Variants in ARID1B observed in about 807,000 individuals in gnomAD.
The protein encoded by ARID1B is AT-rich interaction domain 1B, also known as AT-rich interactive domain-containing protein 1B.
Under a neutral mutation model 212.3 loss-of-function variants are expected in ARID1B, and 30 were observed. The ratio of observed to expected loss-of-function variants is 0.14; its 90% CI spans 0.11 to 0.19. The LOEUF (loss-of-function observed/expected upper bound fraction) is 0.19. Among genes scored for constraint, ARID1B ranks in the 10% least tolerant of loss-of-function variants. The probability of loss-of-function intolerance (pLI) is 1.00; values close to 1 mark genes in which losing one functional copy is unlikely to be tolerated. For synonymous variants in ARID1B, 1,402 were observed against 1,301.7 expected, an observed-to-expected ratio of 1.08 and a Z score of -1.66; for missense variants, 2,891 against 3,204.0, an observed-to-expected ratio of 0.90 and a Z score of 2.36.
chr6:157,146,833 A>G (rs1051963843), intron 7 of ARID1B, among the ~76,000 whole-genome samples: 1 of 152,214 alleles, frequency 6.6e-6, no homozygotes, highest in African/African-American at 2.4e-5. Context: ...ACTAATCCAT[A>G]TTCCACACAC....
chr6:156,870,287 G>C (rs963366390), intron 2 of ARID1B: 2 of 152,298 alleles, frequency 1.3e-5, no homozygotes, highest in African/African-American at 2.4e-5. Flanking sequence ...CCTCCCCCCG[G>C]TCGTCAGATT....
chr6:156,958,164 C>T (rs370808793), intron 4 of ARID1B, among the ~76,000 whole-genome samples: 1 of 152,174 alleles, frequency 6.6e-6, no homozygotes, highest in East Asian at 1.9e-4. Flanking sequence ...CCAATCCATG[C>T]CTTCTGGCTC....
chr6:157,158,271 G>A (rs1293148116), intron 8 of ARID1B, among the ~76,000 whole-genome samples: 1 of 152,208 alleles, frequency 6.6e-6, no homozygotes, highest in Non-Finnish European at 1.5e-5. Context: ...ACCAAACTAA[G>A]TCACTTTGTG....
Position 157,184,439 on chromosome 6 carries a change from A to G in ARID1B, c.3919+4A>G, listed in dbSNP as rs755649606. On this transcript the variant is annotated splice_donor_region_variant and intron_variant, in intron 13 of 19. Coordinates refer to ENST00000636930, the MANE Select transcript of ARID1B (RefSeq NM_001374828.1). ...AAGCTCCAGCCGCCATCTCCTGGTA[A>G]GTGGCGGCGCTGCAGTCACTGGCCC... 2 of 1,613,898 alleles carry G rather than the reference A, an allele frequency of 1.2e-6. No homozygotes were observed. Among genetic ancestry groups the G allele is most frequent in the Admixed American group, 3.3e-5 (2 of 60,024 alleles).
At chr6:157,133,535 T>C (rs1331189995) in intron 7 of ARID1B, among the ~76,000 whole-genome samples, 1 of 152,180 alleles carries the variant, frequency 6.6e-6, no homozygotes, top group Non-Finnish European at 1.5e-5. Context: ...CGTTCTCAGG[T>C]TTCTGATGTC....
At chr6:156,854,988 T>C (rs1326403046) in intron 2 of ARID1B, among the ~76,000 whole-genome samples, 1 of 152,254 alleles carries the variant, frequency 6.6e-6, no homozygotes, top group Non-Finnish European at 1.5e-5. Flanking sequence ...GGCTGTTTGA[T>C]AAGGCTTTTG....
intron 2 of ARID1B, among the ~76,000 whole-genome samples, chr6:156,836,244 A>T (rs1413068611): frequency 6.6e-6 from 1 of 152,136 alleles, no homozygotes; most frequent in Non-Finnish European, 1.5e-5. Flanking sequence ...TGAATGTTAG[A>T]GTCTCCCGGG....
chr6:157,058,099 C>T (rs766466463), intron 4 of ARID1B, among the ~76,000 whole-genome samples: 10 of 152,142 alleles, frequency 6.6e-5, no homozygotes, highest in Admixed American at 1.3e-4. Context: ...CCATGCACAC[C>T]GAAGTCATTG....
intron 6 of ARID1B, chr6:157,119,754 A>T (rs563249155): frequency 2.0e-5 from 3 of 152,356 alleles, no homozygotes; most frequent in African/African-American, 4.8e-5. Context: ...AACAGCTGGG[A>T]TTACAGTTGA....
At chr6:156,863,997 C>T (rs1307654682) in intron 2 of ARID1B, among the ~76,000 whole-genome samples, 1 of 152,128 alleles carries the variant, frequency 6.6e-6, no homozygotes, top group Non-Finnish European at 1.5e-5. Context: ...CAAAATTGTT[C>T]TTTGAAATAA....
intron 5 of ARID1B, among the ~76,000 whole-genome samples, chr6:157,088,847 A>G (rs1429614064): frequency 6.6e-6 from 1 of 152,226 alleles, no homozygotes; most frequent in South Asian, 2.1e-4. Flanking sequence ...CCAGTGAACC[A>G]TACATGCCAT....
At position 157,207,555 on chromosome 6, in the gene ARID1B, T is replaced by A. The variant is rs1323668536; in HGVS notation, c.6783T>A (p.Leu2261=). The A allele has an allele frequency of 6.2e-7, 1 of 1,614,170 alleles. No homozygotes were observed. The highest frequency in any genetic ancestry group is 8.5e-7 in the Non-Finnish European group (1 of 1,180,036). ...REMSMALLSN[L]AQGDALAARA... ...TGTCCATGGCGCTTTTATCGAACCT[T>A]GCCCAAGGGGACGCACTAGCAGCAA... The change falls in exon 20 of 20, where the codon CTT becomes CTA. Residue 2261 remains leucine (L), a synonymous_variant. Transcript: ENST00000636930. This position sits in a 1 kb window ranked among gnomAD's most constrained non-coding sequence, Gnocchi z 8.5.
intron 16 of ARID1B, among the ~76,000 whole-genome samples, chr6:157,197,768 T>G (rs1443734313): frequency 1.3e-5 from 2 of 152,204 alleles, no homozygotes; most frequent in African/African-American, 4.8e-5. Context: ...CTGGGCTCTA[T>G]CTACCACATT....
chr6:157,186,412 G>C (rs1371790826), intron 13 of ARID1B: 3 of 471,054 alleles, frequency 6.4e-6, no homozygotes, highest in South Asian at 4.6e-5. Flanking sequence ...AAAGCCTCCT[G>C]GTCTCGTCCA....
At chr6:156,926,357 T>A (rs1791216481) in intron 3 of ARID1B, among the ~76,000 whole-genome samples, 3 of 152,166 alleles carry the variant, frequency 2.0e-5, no homozygotes, top group Admixed American at 2.0e-4. Flanking sequence ...GCAAACATGT[T>A]AAAAATAGGT....
At chr6:156,915,395 T>C (rs900240971) in intron 3 of ARID1B, among the ~76,000 whole-genome samples, 4 of 151,948 alleles carry the variant, frequency 2.6e-5, no homozygotes, top group Non-Finnish European at 5.9e-5. Flanking sequence ...GGTGAAACCC[T>C]GTCTCTACTA....
intron 11 of ARID1B, among the ~76,000 whole-genome samples, chr6:157,176,901 A>G (rs1398242402): frequency 1.3e-5 from 2 of 152,218 alleles, no homozygotes; most frequent in East Asian, 3.8e-4. Context: ...ACAATAGACC[A>G]TATTATATTG....
rs1339031812 is a variant in ARID1B at position 156,999,049 on chromosome 6, T to G, written c.2247+63473T>G. On this transcript the variant is annotated intron_variant, in intron 4 of 19. Transcript: ENST00000636930. Reference sequence around the variant, plus strand: ...CTTCAGTGGTGACTTTAGCTTCATGTGACATGTCCTCAAACCTTCTGGGCC... The same window carrying G: ...CTTCAGTGGTGACTTTAGCTTCATGGGACATGTCCTCAAACCTTCTGGGCC... Among the ~76,000 whole-genome samples, 5 of 152,340 alleles carry G rather than the reference T, an allele frequency of 3.3e-5. No individual in the cohort carries two copies. In the East Asian group the frequency reaches 9.7e-4, roughly 29 times the overall value.
Position 156,779,262 on chromosome 6 carries a change from GCGCCGCCGC to G in ARID1B, c.1591_1599del (p.Pro531_Pro533del), listed in dbSNP as rs572236007. The stretch of plus-strand genomic sequence containing the variant: ...CTACCCCGAGTACAGCAGCCCCAGC[GCGCCGCCGC>G]CGCCGCCGTCGCAGCCCCAGTCCCA... On this transcript the variant is annotated inframe_deletion, in exon 1 of 20. Coordinates refer to ENST00000636930, the MANE Select transcript of ARID1B (RefSeq NM_001374828.1). The G allele has an allele frequency of 7.9e-6, 9 of 1,146,088 alleles. No homozygotes were observed. Among genetic ancestry groups the G allele is most frequent in the Admixed American group, 3.7e-5 (1 of 27,228 alleles). 71.0% of individuals were successfully genotyped at this position (1,146,088 alleles called of 1,614,324 possible).
Sources: allele counts gnomAD v4.1 joint callset (sites outside exome capture counted in the v4.1 genomes callset), GRCh38; gene constraint gnomAD v4.1.1; non-coding constraint Gnocchi (gnomAD v3.1); transcripts MANE v1.5; gene names NCBI Gene and HGNC (gene_info 2026-07-23, HGNC 2026-07-21).